Variants in HM13 observed in about 807,000 individuals in gnomAD.
HM13 encodes the protein signal peptide peptidase.
Under a neutral mutation model 50.0 loss-of-function variants are expected in HM13, and 18 were observed. The observed-to-expected ratio is 0.36, with a 90% CI of 0.25 to 0.53. HM13 has a LOEUF of 0.53. HM13 is among the 20% of genes least tolerant of loss of function. HM13 has a pLI of 0.90. For missense variants in HM13, 393 were observed against 552.4 expected (o/e 0.71, Z 2.89); for synonymous variants, 197 against 232.6 (o/e 0.85, Z 1.39).
intron 3 of HM13, among the ~76,000 whole-genome samples, chr20:31,542,669 A>T (rs1568789538): frequency 1.3e-5 from 2 of 150,642 alleles, no homozygotes; most frequent in East Asian, 1.9e-4. Flanking sequence ...AGGTTGCTTG[A>T]CTCCTCCCCT....
intron 1 of HM13, among the ~76,000 whole-genome samples, chr20:31,524,606 A>C (rs1312978081): frequency 6.6e-6 from 1 of 152,086 alleles, no homozygotes; most frequent in South Asian, 2.1e-4. Context: ...TCCGATAGAC[A>C]AAAAACAGAA....
At chr20:31,542,748 A>G (rs192082155) in intron 3 of HM13, among the ~76,000 whole-genome samples, 1 of 152,290 alleles carries the variant, frequency 6.6e-6, no homozygotes, top group South Asian at 2.1e-4. Flanking sequence ...TGCTACTTGA[A>G]GTTGAAGCTG....
chr20:31,537,882 T>C lies in HM13; in HGVS notation c.283-297T>C, dbSNP rs1460256583. Reference sequence around the variant, plus strand: ...CTATACTGAAGACTCCCTTATCCCTTCAGAACCCCTGTGCAGCACTTTGAG... The same window carrying C: ...CTATACTGAAGACTCCCTTATCCCTCCAGAACCCCTGTGCAGCACTTTGAG... On this transcript the variant is annotated intron_variant, in intron 2 of 12. Coordinates refer to ENST00000398174, the MANE Select transcript of HM13 (RefSeq NM_178581.3). Among the ~76,000 whole-genome samples the C allele has an allele frequency of 2.6e-5, 4 of 152,128 alleles. No homozygotes were observed. The East Asian group carries it at 7.7e-4, about 29-fold the overall frequency.
chr20:31,524,956 G>A (rs1488570039), intron 1 of HM13, among the ~76,000 whole-genome samples: 3 of 152,038 alleles, frequency 2.0e-5, no homozygotes, highest in Admixed American at 6.6e-5. Flanking sequence ...CTCACGATCC[G>A]CCTGCCTCGG....
chr20:31,516,739 A>G (rs1404056776), intron 1 of HM13, among the ~76,000 whole-genome samples: 5 of 152,152 alleles, frequency 3.3e-5, no homozygotes, highest in Admixed American at 1.3e-4. Flanking sequence ...ACCTCTCCCA[A>G]GCATCTCCTG....
chr20:31,558,583 T>G (rs1049162158), intron 8 of HM13, among the ~76,000 whole-genome samples: 2 of 152,032 alleles, frequency 1.3e-5, no homozygotes, highest in South Asian at 2.1e-4. Context: ...CAAGAAGCCT[T>G]CCTTCTTTCC....
At chr20:31,561,568 A>G in intron 9 of HM13, 66 bp from the exon 10 acceptor site, 1 of 1,098,134 alleles carries the variant, frequency 9.1e-7, no homozygotes, top group Non-Finnish European at 1.4e-6. Flanking sequence ...GCTCCCTCAG[A>G]AGGGGTATTA....
At chr20:31,533,627 T>C (rs1982944607) in intron 2 of HM13, among the ~76,000 whole-genome samples, 1 of 152,204 alleles carries the variant, frequency 6.6e-6, no homozygotes. Context: ...CTGCGACAAG[T>C]TCCCTTTCTT....
chr20:31,554,979 T>C, intron 8 of HM13, 150 bp downstream of exon 8: 2 of 709,570 alleles, frequency 2.8e-6, no homozygotes, highest in Non-Finnish European at 4.7e-6. Flanking sequence ...GGTTCCCCCT[T>C]AACATCCGTT....
At chr20:31,544,053 T>C (rs1983589205) in intron 3 of HM13, among the ~76,000 whole-genome samples, 1 of 152,204 alleles carries the variant, frequency 6.6e-6, no homozygotes, top group Admixed American at 6.5e-5. Flanking sequence ...CCTTCTTTCA[T>C]ATCTTCATAG....
chr20:31,555,875 TAGG>T (rs1200700697), intron 8 of HM13, among the ~76,000 whole-genome samples: 1 of 150,040 alleles, frequency 6.7e-6, no homozygotes, highest in African/African-American at 2.5e-5. Flanking sequence ...GAGGCTGAGG[TAGG>T]AGGATCGTTT....
At chr20:31,530,586 A>AT (rs1166511634) in intron 2 of HM13, among the ~76,000 whole-genome samples, 1 of 151,462 alleles carries the variant, frequency 6.6e-6, no homozygotes, top group African/African-American at 2.4e-5. Context: ...AATTTTTGTA[A>AT]TTTTAGTAGA....
chr20:31,529,825 G>C (rs923709001), intron 2 of HM13, among the ~76,000 whole-genome samples: 1 of 152,064 alleles, frequency 6.6e-6, no homozygotes, highest in Non-Finnish European at 1.5e-5. Context: ...AAATTAACTG[G>C]GCATGGTGGC....
At chr20:31,559,152 G>A (rs1984472379) in intron 8 of HM13, among the ~76,000 whole-genome samples, 1 of 152,148 alleles carries the variant, frequency 6.6e-6, no homozygotes, top group Non-Finnish European at 1.5e-5. Context: ...TCCTGACCTC[G>A]TGATCCACCC....
rs193020883 is a variant in HM13 at position 31,548,137 on chromosome 20, C to T, written c.455-892C>T. The stretch of plus-strand genomic sequence containing the variant: ...GTGTCTGTGTGTGACAGCGTGAATA[C>T]AATGCCTCTGTGGTTATGCTAAATA... On this transcript the variant is annotated intron_variant, in intron 4 of 12. Coordinates refer to ENST00000398174, the MANE Select transcript of HM13 (RefSeq NM_178581.3). The T allele has an allele frequency of 1.9e-5, 17 of 873,484 alleles. No homozygotes were observed. In the East Asian group the frequency reaches 3.6e-4, roughly 19 times the overall value. 54.1% of individuals were successfully genotyped at this position (873,484 alleles called of 1,614,324 possible). A position where few individuals can be genotyped will look rare whatever the true frequency, so the allele number is the denominator to read the frequency against.
chr20:31,554,834 GC>G lies in HM13; in HGVS notation c.808+7del, dbSNP rs1016294329. The G allele has an allele frequency of 4.8e-5, 78 of 1,613,046 alleles. No individual in the cohort carries two copies. Among genetic ancestry groups the G allele is most frequent in the Non-Finnish European group, 6.0e-5 (71 of 1,179,106 alleles). On this transcript the variant is annotated splice_donor_region_variant and intron_variant, in intron 8 of 12. Transcript: ENST00000398174. ...TTGGAGATGTCGTCATTCCAGGTGAGCCTGCTGGTGTGGGGGCTATGTGAAA... is the reference window on the plus strand; with the variant it reads ...TTGGAGATGTCGTCATTCCAGGTGAGCTGCTGGTGTGGGGGCTATGTGAAA...
chr20:31,530,603 G>A (rs1982759349), intron 2 of HM13, among the ~76,000 whole-genome samples: 1 of 152,040 alleles, frequency 6.6e-6, no homozygotes, highest in Non-Finnish European at 1.5e-5. Context: ...TAGAGATGGG[G>A]TTTCACCATG....
At position 31,535,085 on chromosome 20, in the gene HM13, C is replaced by CA. The variant is rs977507318; in HGVS notation, c.283-3081dup. ...TTGGTGACAGAGCAAGACTCCGTCT[C>CA]AAAAAAAAAAAAAGAAGAAGAGGAG... On this transcript the variant is annotated intron_variant, in intron 2 of 12. Coordinates refer to ENST00000398174, the MANE Select transcript of HM13 (RefSeq NM_178581.3). Among the ~76,000 whole-genome samples the CA allele has an allele frequency of 3.8e-3, 467 of 123,244 alleles. 4 individuals are homozygous for CA. Among genetic ancestry groups the CA allele is most frequent in the African/African-American group, 9.1e-3 (301 of 33,128 alleles). 80.9% of individuals were successfully genotyped at this position (123,244 alleles called of 152,430 possible). A position where few individuals can be genotyped will look rare whatever the true frequency, so the allele number is the denominator to read the frequency against.
At chr20:31,546,635 T>C (rs1983736431) in intron 4 of HM13, among the ~76,000 whole-genome samples, 1 of 151,464 alleles carries the variant, frequency 6.6e-6, no homozygotes, top group South Asian at 2.1e-4. Flanking sequence ...GTACCTGTAA[T>C]CCTAGCTACT....
Sources: gnomAD v4.1 joint callset for allele counts (sites outside exome capture counted in the v4.1 genomes callset) on GRCh38, gnomAD v4.1.1 for gene constraint, MANE v1.5 for transcripts, NCBI Gene and HGNC (gene_info 2026-07-23, HGNC 2026-07-21) for gene names.